Variants in SVEP1 observed in about 807,000 individuals in gnomAD.
The protein encoded by SVEP1 is sushi, von Willebrand factor type A, EGF and pentraxin domain-containing protein 1.
In SVEP1, 164 loss-of-function variants were observed where a neutral mutation model predicts 367.3. The ratio of observed to expected loss-of-function variants is 0.45; its 90% CI spans 0.39 to 0.51. The LOEUF (loss-of-function observed/expected upper bound fraction) is 0.51, where lower values mean the gene tolerates loss of function less well. SVEP1 is among the 20% of genes least tolerant of loss of function. The pLI, the probability that SVEP1 is intolerant of heterozygous loss-of-function variation, is 0.00. For synonymous variants in SVEP1, 1,666 were observed against 1,611.6 expected (o/e 1.03, Z -0.81); for missense variants, 4,117 against 4,425.3 (o/e 0.93, Z 1.98).
intron 3 of SVEP1, among the ~76,000 whole-genome samples, chr9:110,539,142 T>C (rs540619809): frequency 5.1e-4 from 78 of 152,176 alleles, no homozygotes; most frequent in African/African-American, 1.8e-3. Flanking sequence ...AGCACTTACT[T>C]ACTATAGGCT....
intron 32 of SVEP1, 88 bp downstream of exon 32, chr9:110,431,827 A>G: frequency 1.3e-6 from 2 of 1,525,972 alleles, no homozygotes; most frequent in Non-Finnish European, 1.8e-6. Flanking sequence ...TGAAACAATT[A>G]TCTCACTTAG....
At chr9:110,468,064 G>A (rs1828965591) in intron 17 of SVEP1, among the ~76,000 whole-genome samples, 1 of 151,916 alleles carries the variant, frequency 6.6e-6, no homozygotes, top group South Asian at 2.1e-4. Context: ...TTCCTGCATA[G>A]CCTGCAAAAC....
In SVEP1 at chr9:110,450,169, G is replaced by A. The variant is rs2118609276; in HGVS notation, c.3993C>T (p.Cys1331=). The A allele has an allele frequency of 6.2e-7, 1 of 1,613,864 alleles. No individual in the cohort carries two copies. The highest frequency in any genetic ancestry group is 8.5e-7 in the Non-Finnish European group (1 of 1,179,828). Residue 1331 remains cysteine, a synonymous_variant, in exon 24 of 48, where the codon TGC becomes TGT. Transcript: ENST00000374469. ...TACCCAAAAATCCAGGTGGGCATTT[G>A]CACAAGAATCCCCCAACCTGGTCTT... ...VCEDQVGGFL[C]KCPPGFLGTR... is the part of the protein sequence containing the mutation.
At chr9:110,559,769 G>A (rs1399726159) in intron 1 of SVEP1, among the ~76,000 whole-genome samples, 1 of 151,984 alleles carries the variant, frequency 6.6e-6, no homozygotes, top group Non-Finnish European at 1.5e-5. Context: ...GTGTATCCCA[G>A]AATAATTTGC....
intron 37 of SVEP1, among the ~76,000 whole-genome samples, chr9:110,409,174 G>A (rs1346199583): frequency 6.6e-6 from 1 of 152,156 alleles, no homozygotes; most frequent in East Asian, 1.9e-4. Flanking sequence ...GACGATTCAT[G>A]CCTACAATCC....
At chr9:110,518,507 T>A (rs1180439196) in intron 3 of SVEP1, among the ~76,000 whole-genome samples, 1 of 152,028 alleles carries the variant, frequency 6.6e-6, no homozygotes, top group Non-Finnish European at 1.5e-5. Flanking sequence ...GTAGACACCA[T>A]CTTGCTCTTT....
Position 110,468,930 on chromosome 9 carries a change from AAG to A in SVEP1, c.3160+8_3160+9del. The A allele has an allele frequency of 6.4e-7, 1 of 1,553,370 alleles. No individual in the cohort carries two copies. The highest frequency in any genetic ancestry group is 8.7e-7 in the Non-Finnish European group (1 of 1,145,086). ...GCTGCTTCTAGTTGAAATGTCCAGT[AAG>A]CCTCTACCTTTACAATCAGAGATGT... On this transcript the variant is annotated splice_region_variant and intron_variant, in intron 17 of 47. Coordinates refer to ENST00000374469, the MANE Select transcript of SVEP1 (RefSeq NM_153366.4).
chr9:110,465,759 A>G, intron 18 of SVEP1, 106 bp downstream of exon 18: 1 of 1,325,946 alleles, frequency 7.5e-7, no homozygotes, highest in East Asian at 2.5e-5. Flanking sequence ...AGTTATTTCC[A>G]TTCTGTGCAT....
intron 40 of SVEP1, among the ~76,000 whole-genome samples, chr9:110,394,188 T>C (rs1023347431): frequency 1.3e-5 from 2 of 151,878 alleles, no homozygotes; most frequent in African/African-American, 4.8e-5. Flanking sequence ...GCAGCAGCAT[T>C]TGCGGTTCAC....
intron 1 of SVEP1, among the ~76,000 whole-genome samples, chr9:110,568,210 C>T (rs746800129): frequency 1.3e-5 from 2 of 152,196 alleles, no homozygotes; most frequent in African/African-American, 2.4e-5. Context: ...TAGATGGAAA[C>T]ATCAGATGTG....
chr9:110,529,603 AG>A (rs911775611), intron 3 of SVEP1, among the ~76,000 whole-genome samples: 2 of 79,050 alleles, frequency 2.5e-5, no homozygotes, highest in African/African-American at 7.7e-5. Context: ...ATTCCTAGGA[AG>A]TTTGTTTTTT....
At chr9:110,468,102 ATAAAT>A (rs1828965867) in intron 17 of SVEP1, among the ~76,000 whole-genome samples, 2 of 152,216 alleles carry the variant, frequency 1.3e-5, no homozygotes, top group South Asian at 4.1e-4. Context: ...TCTTTTCTTT[ATAAAT>A]TACTCAGTCT....
chr9:110,414,249 T>C (rs1451281542), intron 36 of SVEP1, among the ~76,000 whole-genome samples: 2 of 152,062 alleles, frequency 1.3e-5, no homozygotes. Flanking sequence ...TCAGCTATTA[T>C]AGAGAGGTTG....
intron 39 of SVEP1, 83 bp from the exon 40 acceptor site, chr9:110,401,092 C>A: frequency 6.6e-7 from 1 of 1,516,226 alleles, no homozygotes; most frequent in Non-Finnish European, 9.0e-7. Flanking sequence ...TGGTTATTTG[C>A]AGAATAATCT....
intron 18 of SVEP1, among the ~76,000 whole-genome samples, chr9:110,460,745 TC>T (rs1181673807): frequency 2.0e-5 from 3 of 151,082 alleles, no homozygotes; most frequent in Middle Eastern, 3.4e-3. Flanking sequence ...GGAGTGAGAC[TC>T]CGTCTCAAAA....
intron 47 of SVEP1, chr9:110,369,693 G>A (rs1462120572): frequency 4.2e-6 from 2 of 478,830 alleles, no homozygotes; most frequent in Non-Finnish European, 7.4e-6. Context: ...CTGCTGAAGT[G>A]AGCACAAGAC....
intron 3 of SVEP1, 116 bp downstream of exon 3, chr9:110,545,999 C>T (rs1251232409): frequency 2.9e-5 from 37 of 1,269,052 alleles, no homozygotes; most frequent in Non-Finnish European, 3.8e-5. Flanking sequence ...AGAGATGTGC[C>T]ACTGACCCCA....
intron 46 of SVEP1, 41 bp from the exon 47 acceptor site, chr9:110,370,057 G>A (rs1442526679): frequency 2.6e-6 from 4 of 1,566,456 alleles, no homozygotes; most frequent in Non-Finnish European, 3.5e-6. Context: ...TTAATACTTA[G>A]CAATTCTGAT....
At position 110,432,643 on chromosome 9, in the gene SVEP1, G is replaced by A. The variant is rs1270469219; in HGVS notation, c.5060-8C>T. The A allele has an allele frequency of 1.9e-6, 3 of 1,596,174 alleles. No individual in the cohort carries two copies. The highest frequency in any genetic ancestry group is 2.6e-6 in the Non-Finnish European group (3 of 1,174,144). On this transcript the variant is annotated splice_region_variant and splice_polypyrimidine_tract_variant and intron_variant, in intron 30 of 47. Coordinates refer to ENST00000374469, the MANE Select transcript of SVEP1 (RefSeq NM_153366.4). ...GCACCCCACAGCTAATGCCTGTAAG[G>A]TGACCAGGAAGAAGACAACGACATT... is the stretch of plus-strand genomic sequence containing the variant.
Sources: allele counts gnomAD v4.1 joint callset (sites outside exome capture counted in the v4.1 genomes callset), GRCh38; gene constraint gnomAD v4.1.1; transcripts MANE v1.5; gene names NCBI Gene and HGNC (gene_info 2026-07-23, HGNC 2026-07-21).